Variants in CNTNAP2 observed in about 807,000 individuals in gnomAD.
CNTNAP2 encodes contactin associated protein 2.
CNTNAP2 carries 98 observed loss-of-function variants against 155.2 expected under a neutral mutation model. The observed-to-expected ratio is 0.63, with a 90% CI of 0.54 to 0.75. CNTNAP2 has a LOEUF of 0.75. Ranked by LOEUF, CNTNAP2 falls within the 30% of genes least tolerant of loss-of-function variation. The pLI, the probability that CNTNAP2 is intolerant of heterozygous loss-of-function variation, is 0.00. For synonymous variants in CNTNAP2, 651 were observed against 631.2 expected (o/e 1.03, Z -0.47); for missense variants, 1,727 against 1,688.1 (o/e 1.02, Z -0.40).
At chr7:146,327,819 A>G (rs1563040143) in intron 1 of CNTNAP2, among the ~76,000 whole-genome samples, 1 of 152,222 alleles carries the variant, frequency 6.6e-6, no homozygotes, top group South Asian at 2.1e-4. Flanking sequence ...ATTGGGCAGG[A>G]CCTAAGATTC....
chr7:148,341,887 A>C (rs2116582163), intron 21 of CNTNAP2, among the ~76,000 whole-genome samples: 1 of 152,338 alleles, frequency 6.6e-6, no homozygotes, highest in East Asian at 1.9e-4. Context: ...TGAGAAGGTG[A>C]GATGCATGGA....
rs140015081 is a variant in CNTNAP2 at position 148,399,467 on chromosome 7, C to T, written c.3716-9924C>T. ...GTTCTCTCTCATATATGCCTTTAAACGCATCCATAGCATCAAGAACCTAAA... is the reference window on the plus strand; with the variant it reads ...GTTCTCTCTCATATATGCCTTTAAATGCATCCATAGCATCAAGAACCTAAA... On this transcript the variant is annotated intron_variant, in intron 22 of 23. Coordinates refer to ENST00000361727, the MANE Select transcript of CNTNAP2 (RefSeq NM_014141.6). Among the ~76,000 whole-genome samples the T allele has an allele frequency of 2.0e-4, 30 of 152,220 alleles. 1 individual carries two copies. The East Asian group carries it at 2.7e-3, about 14-fold the overall frequency.
At chr7:147,082,623 C>T (rs923720520) in intron 4 of CNTNAP2, 1 of 152,162 alleles carries the variant, frequency 6.6e-6, no homozygotes, top group Non-Finnish European at 1.5e-5. Context: ...AGAATTCCTC[C>T]TCTTCTGTGC....
At chr7:146,772,702 G>A (rs1161204176) in intron 1 of CNTNAP2, among the ~76,000 whole-genome samples, 1 of 151,792 alleles carries the variant, frequency 6.6e-6, no homozygotes, top group African/African-American at 2.4e-5. Context: ...GAGGAAAGGG[G>A]CCATGGTGGC....
rs183154375 is a variant in CNTNAP2, at chr7:148,363,422, A to G, written c.3476-20227A>G. Among the ~76,000 whole-genome samples the G allele has an allele frequency of 3.7e-3, 556 of 151,256 alleles. 5 individuals are homozygous for G. The highest frequency in any genetic ancestry group is 0.013 in the African/African-American group (535 of 40,532). On this transcript the variant is annotated intron_variant, in intron 21 of 23. Transcript: ENST00000361727. ...AAATGCACTTTTATTCTGACAATAT[A>G]CAAGACAGTAATATTATTTTTTGAC...
Position 147,746,775 on chromosome 7 carries a change from A to T in CNTNAP2, c.2098+107469A>T, listed in dbSNP as rs530023437. 7.9e-5 allele frequency among the ~76,000 whole-genome samples: 12 copies of T among 152,286 alleles called. No homozygotes were observed. The South Asian group carries it at 2.1e-3, about 26-fold the overall frequency. On this transcript the variant is annotated intron_variant, in intron 13 of 23. Coordinates refer to ENST00000361727, the MANE Select transcript of CNTNAP2 (RefSeq NM_014141.6). ...GGTAAGGGTGAGAGAACTCCGTTCT[A>T]CAAACTGCTTATAGACCAGACACAT... is the stretch of plus-strand genomic sequence containing the variant.
intron 3 of CNTNAP2, among the ~76,000 whole-genome samples, chr7:146,999,951 A>C (rs1337320015): frequency 1.3e-5 from 2 of 152,024 alleles, no homozygotes; most frequent in African/African-American, 4.8e-5. Context: ...CAATTTTTAA[A>C]ATAATATTTT....
intron 3 of CNTNAP2, among the ~76,000 whole-genome samples, chr7:146,858,373 C>A (rs900800786): frequency 1.3e-5 from 2 of 152,174 alleles, no homozygotes; most frequent in Non-Finnish European, 2.9e-5. Context: ...CACTGACATT[C>A]TTGCATTCAT....
intron 10 of CNTNAP2, among the ~76,000 whole-genome samples, chr7:147,405,853 G>A (rs1478220076): frequency 1.3e-5 from 2 of 152,096 alleles, no homozygotes; most frequent in Admixed American, 6.5e-5. Flanking sequence ...ACTGAAAAAT[G>A]AAGGTGATAC....
chr7:146,396,503 G>C (rs1795629066), intron 1 of CNTNAP2, among the ~76,000 whole-genome samples: 1 of 151,766 alleles, frequency 6.6e-6, no homozygotes, highest in Non-Finnish European at 1.5e-5. Context: ...ATTGCAATTA[G>C]AGTTTACTTG....
Position 146,373,780 on chromosome 7 carries a change from G to A in CNTNAP2, c.97+256807G>A, listed in dbSNP as rs1006271290. 2.6e-5 allele frequency among the ~76,000 whole-genome samples: 4 copies of A among 152,146 alleles called. No individual in the cohort carries two copies. The South Asian group carries it at 6.2e-4, about 24-fold the overall frequency. On this transcript the variant is annotated intron_variant, in intron 1 of 23. Coordinates refer to ENST00000361727, the MANE Select transcript of CNTNAP2 (RefSeq NM_014141.6). ...AATTTTATAGAATTGGGGTACATACGGAAGATCCACAATGGCTTCCAGAAA... is the reference window on the plus strand; with the variant it reads ...AATTTTATAGAATTGGGGTACATACAGAAGATCCACAATGGCTTCCAGAAA...
At chr7:148,026,887 C>T (rs988095466) in intron 15 of CNTNAP2, among the ~76,000 whole-genome samples, 6 of 152,164 alleles carry the variant, frequency 3.9e-5, no homozygotes, top group African/African-American at 7.2e-5. Context: ...ATTTGAAACC[C>T]GCCACAACCC....
chr7:147,511,160 C>T (rs1434355640), intron 11 of CNTNAP2, among the ~76,000 whole-genome samples: 4 of 151,964 alleles, frequency 2.6e-5, no homozygotes, highest in African/African-American at 7.3e-5. Flanking sequence ...TGTGTCGGTG[C>T]ATACAGACAA....
chr7:148,234,268 AC>A (rs1196336470), intron 20 of CNTNAP2, among the ~76,000 whole-genome samples: 2 of 152,216 alleles, frequency 1.3e-5, no homozygotes, highest in Non-Finnish European at 2.9e-5. Context: ...CAGGCTCTTA[AC>A]CTTGCTTAAT....
intron 3 of CNTNAP2, among the ~76,000 whole-genome samples, chr7:146,891,388 C>G (rs1795772742): frequency 6.6e-6 from 1 of 151,900 alleles, no homozygotes; most frequent in Non-Finnish European, 1.5e-5. Context: ...ACGTATACCC[C>G]CGAATGTAAA....
In CNTNAP2 at chr7:148,051,827, T is replaced by C. The variant is rs371101419; in HGVS notation, c.2384-66291T>C. Among the ~76,000 whole-genome samples the C allele has an allele frequency of 2.8e-4, 42 of 152,342 alleles. No individual in the cohort carries two copies. In the Middle Eastern group the frequency reaches 0.02, roughly 74 times the overall value. On this transcript the variant is annotated intron_variant, in intron 15 of 23. Transcript: ENST00000361727. ...TGATACTAAAAGCAATTCAGTATTT[T>C]TCTGTTCTCTAAATTTTAAAAAGCC...
intron 4 of CNTNAP2, among the ~76,000 whole-genome samples, chr7:147,105,848 C>A (rs117140866): frequency 6.6e-6 from 1 of 152,046 alleles, no homozygotes; most frequent in African/African-American, 2.4e-5. Flanking sequence ...TCCCAGCTGA[C>A]CCTGACAACT....
At chr7:148,109,533 C>A (rs1031713671) in intron 15 of CNTNAP2, among the ~76,000 whole-genome samples, 2 of 152,072 alleles carry the variant, frequency 1.3e-5, no homozygotes, top group Non-Finnish European at 2.9e-5. Flanking sequence ...TACAGGCATG[C>A]ACCATCATGC....
At position 147,707,667 on chromosome 7, in the gene CNTNAP2, T is replaced by G. The variant is rs537072053; in HGVS notation, c.2098+68361T>G. Among the ~76,000 whole-genome samples the G allele has an allele frequency of 3.0e-3, 452 of 152,150 alleles. 2 individuals are homozygous for G. Among genetic ancestry groups the G allele is most frequent in the African/African-American group, 0.01 (432 of 41,492 alleles). ...CTGGTAGTGGCAATGGTGGGCCAGG[T>G]GGGTGGGTAGGTTATCAGACCTCTG... On this transcript the variant is annotated intron_variant, in intron 13 of 23. Coordinates refer to ENST00000361727, the MANE Select transcript of CNTNAP2 (RefSeq NM_014141.6).
Sources: allele counts gnomAD v4.1 joint callset (sites outside exome capture counted in the v4.1 genomes callset), GRCh38; gene constraint gnomAD v4.1.1; transcripts MANE v1.5; gene names NCBI Gene and HGNC (gene_info 2026-07-23, HGNC 2026-07-21).